Variants in SGCD observed in about 807,000 individuals in gnomAD.
The protein encoded by SGCD is delta-sarcoglycan.
A neutral mutation model predicts 36.6 loss-of-function variants in SGCD; 18 were observed. The observed-to-expected ratio is 0.49, with a 90% CI of 0.34 to 0.73. The LOEUF is 0.73. Among genes scored for constraint, SGCD ranks in the 30% least tolerant of loss-of-function variants. The pLI is 0.01. For missense variants in SGCD, 387 were observed against 346.7 expected (o/e 1.12, Z -0.92); for synonymous variants, 133 against 130.6 (o/e 1.02, Z -0.12).
chr5:156,526,760 C>T lies in SGCD; in HGVS notation c.294+18058C>T, dbSNP rs138318941. 4.7e-4 allele frequency among the ~76,000 whole-genome samples: 71 copies of T among 152,230 alleles called. 1 individual carries two copies. Among genetic ancestry groups the T allele is most frequent in the African/African-American group, 1.5e-3 (64 of 41,544 alleles). On this transcript the variant is annotated intron_variant, in intron 4 of 8. Transcript: ENST00000337851. ...TGCTTACATTTTTTTTAAACAGACA[C>T]ATAAACTTTGAATAGTTCAACACGT...
intron 3 of SGCD, among the ~76,000 whole-genome samples, chr5:156,375,858 A>G (rs1301485264): frequency 6.6e-6 from 1 of 152,096 alleles, no homozygotes; most frequent in Non-Finnish European, 1.5e-5. Flanking sequence ...ACTCTGCTAT[A>G]TTTTTACAGT....
At chr5:156,214,917 C>T (rs1283539313) in intron 3 of SGCD, among the ~76,000 whole-genome samples, 1 of 152,060 alleles carries the variant, frequency 6.6e-6, no homozygotes, top group Non-Finnish European at 1.5e-5. Flanking sequence ...GAATTAGACC[C>T]TCATCTTACA....
intron 3 of SGCD, among the ~76,000 whole-genome samples, chr5:156,264,449 A>T (rs1428510086): frequency 6.6e-6 from 1 of 152,168 alleles, no homozygotes; most frequent in Non-Finnish European, 1.5e-5. Flanking sequence ...CAAAATTTTC[A>T]TAAATGTCTT....
At chr5:156,672,027 T>G (rs941453264) in intron 7 of SGCD, among the ~76,000 whole-genome samples, 1 of 152,086 alleles carries the variant, frequency 6.6e-6, no homozygotes, top group African/African-American at 2.4e-5. Context: ...CCCAAACACC[T>G]CCTCTAGGCC....
intron 7 of SGCD, among the ~76,000 whole-genome samples, chr5:156,713,861 G>A (rs901262612): frequency 7.2e-5 from 11 of 152,172 alleles, no homozygotes; most frequent in African/African-American, 2.7e-4. Flanking sequence ...CAGTGGCCTT[G>A]CCTTTGAGCT....
intron 7 of SGCD, among the ~76,000 whole-genome samples, chr5:156,703,632 C>G (rs138137859): frequency 6.6e-6 from 1 of 152,144 alleles, no homozygotes; most frequent in Non-Finnish European, 1.5e-5. Flanking sequence ...TATTCTTTTA[C>G]TTGAACATTT....
At chr5:156,255,213 A>G (rs1464516633) in intron 3 of SGCD, among the ~76,000 whole-genome samples, 1 of 152,228 alleles carries the variant, frequency 6.6e-6, no homozygotes, top group African/African-American at 2.4e-5. Context: ...CTCTGGTTCC[A>G]AGCATTTTGG....
intron 1 of SGCD, among the ~76,000 whole-genome samples, chr5:155,960,020 C>T (rs1757759118): frequency 6.6e-6 from 1 of 152,082 alleles, no homozygotes; most frequent in Admixed American, 6.6e-5. Flanking sequence ...TAGTAGGACA[C>T]AGACAAAAGT....
intron 3 of SGCD, among the ~76,000 whole-genome samples, chr5:156,248,275 A>T (rs1011897607): frequency 1.3e-5 from 2 of 152,196 alleles, no homozygotes; most frequent in Non-Finnish European, 1.5e-5. Context: ...TAATCCCAGC[A>T]CTTTGGGAGG....
the SGCD span, among the ~76,000 whole-genome samples, chr5:155,746,892 T>C: frequency 1.5e-3 from 232 of 152,238 alleles, 3 homozygotes; most frequent in East Asian, 0.025. Context: ...TTCTGACAGG[T>C]TAACTGCAGA....
chr5:155,946,828 C>T (rs896524177), intron 1 of SGCD, among the ~76,000 whole-genome samples: 1 of 152,110 alleles, frequency 6.6e-6, no homozygotes, highest in Non-Finnish European at 1.5e-5. Flanking sequence ...TCTGGGAAAC[C>T]GAATGTAGCC....
At chr5:156,287,707 C>T (rs997766420) in intron 3 of SGCD, among the ~76,000 whole-genome samples, 4 of 150,718 alleles carry the variant, frequency 2.7e-5, no homozygotes, top group African/African-American at 7.3e-5. Context: ...ATATATTCAT[C>T]GATACACATA....
intron 1 of SGCD, among the ~76,000 whole-genome samples, chr5:155,941,057 G>GCT (rs1757315108): frequency 1.3e-5 from 2 of 151,958 alleles, no homozygotes; most frequent in African/African-American, 4.8e-5. Flanking sequence ...AGAAACTGCA[G>GCT]CTGATGAAGG....
At chr5:156,348,998 G>A (rs2135040) in intron 3 of SGCD, among the ~76,000 whole-genome samples, 61,460 of 151,680 alleles carry the variant, frequency 0.41, 13,308 homozygotes, top group East Asian at 0.79. Context: ...ACATAAATTG[G>A]AGAAAGGACA....
intron 2 of SGCD, among the ~76,000 whole-genome samples, chr5:156,334,614 T>TC (rs1270899599): frequency 4.8e-4 from 71 of 147,680 alleles, no homozygotes; most frequent in African/African-American, 1.7e-3. Flanking sequence ...ATTTTCTTTT[T>TC]TTTTTTTTTT....
intron 6 of SGCD, among the ~76,000 whole-genome samples, chr5:156,647,058 A>G (rs1254510037): frequency 1.3e-5 from 2 of 152,178 alleles, no homozygotes; most frequent in African/African-American, 2.4e-5. Flanking sequence ...CGTAGATGTC[A>G]TATGTGTTAT....
intron 3 of SGCD, among the ~76,000 whole-genome samples, chr5:156,392,998 A>G (rs1438567710): frequency 6.6e-6 from 1 of 152,074 alleles, no homozygotes; most frequent in African/African-American, 2.4e-5. Flanking sequence ...GGGCAGAAAA[A>G]CAAAAATGCC....
At chr5:155,908,103 A>G (rs1377881014) in intron 1 of SGCD, among the ~76,000 whole-genome samples, 2 of 152,160 alleles carry the variant, frequency 1.3e-5, no homozygotes, top group African/African-American at 4.8e-5. Flanking sequence ...ATCATTAGCA[A>G]TTACTAACTG....
chr5:155,934,284 C>A (rs929610947), intron 1 of SGCD, among the ~76,000 whole-genome samples: 1 of 152,152 alleles, frequency 6.6e-6, no homozygotes, highest in African/African-American at 2.4e-5. Flanking sequence ...GATTTATTTT[C>A]CTTGATGAGC....
Sources: gnomAD v4.1 joint callset for allele counts (sites outside exome capture counted in the v4.1 genomes callset) on GRCh38, gnomAD v4.1.1 for gene constraint, MANE v1.5 for transcripts, NCBI Gene and HGNC (gene_info 2026-07-23, HGNC 2026-07-21) for gene names.